PCDHA5: variants seen among roughly 807,000 people sequenced by gnomAD.
PCDHA5 encodes protocadherin alpha-5.
A neutral mutation model predicts 61.6 loss-of-function variants in PCDHA5; 43 were observed. That is an observed-to-expected ratio of 0.70 (90% confidence interval 0.55 to 0.90). The LOEUF is 0.90. PCDHA5 is among the 40% of genes least tolerant of loss of function. The pLI, the probability that PCDHA5 is intolerant of heterozygous loss-of-function variation, is 0.00. For synonymous variants in PCDHA5, 627 were observed against 543.9 expected, an observed-to-expected ratio of 1.15 and a Z score of -2.13; for missense variants, 1,298 against 1,222.7, an observed-to-expected ratio of 1.06 and a Z score of -0.92.
At chr5:140,982,367 G>A in intron 2 of PCDHA5, 108 bp from the exon 3 acceptor site, 1 of 1,544,446 alleles carries the variant, frequency 6.5e-7, no homozygotes, top group Non-Finnish European at 8.7e-7. Context: ...AGCAGAATGT[G>A]TTAGCTGCAG....
At chr5:140,892,673 T>C (rs1554185319) in intron 1 of PCDHA5, among the ~76,000 whole-genome samples, 1 of 152,262 alleles carries the variant, frequency 6.6e-6, no homozygotes, top group East Asian at 1.9e-4. Flanking sequence ...TTGATACATA[T>C]ATACAATGTA....
At chr5:140,828,942 T>G (rs2150161123) in intron 1 of PCDHA5, 2 of 1,614,258 alleles carry the variant, frequency 1.2e-6, no homozygotes, top group Admixed American at 3.3e-5. Context: ...TTTAATAGCC[T>G]TGTTGCAGCC....
At chr5:140,970,466 A>G (rs549761303) in intron 1 of PCDHA5, among the ~76,000 whole-genome samples, 51 of 152,334 alleles carry the variant, frequency 3.3e-4, no homozygotes, top group Non-Finnish European at 4.4e-4. Context: ...TTAAGTAGGT[A>G]TAAGGCCAGC....
At position 140,857,846 on chromosome 5, in the gene PCDHA5, T is replaced by C. The variant is rs782107328; in HGVS notation, c.2352+33719T>C. 6.3e-6 allele frequency: 10 copies of C among 1,597,716 alleles called. 1 individual carries two copies. Among genetic ancestry groups the C allele is most frequent in the Non-Finnish European group, 8.6e-6 (10 of 1,167,514 alleles). ...TAAGGTGCGCGCAGTGGACGCTGAC[T>C]CTGGATACAACGCGTGGCTGTCGTA... is the stretch of plus-strand genomic sequence containing the variant. On this transcript the variant is annotated intron_variant, in intron 1 of 3. Coordinates refer to ENST00000529859, the MANE Select transcript of PCDHA5 (RefSeq NM_018908.3).
chr5:140,835,623 G>T, intron 1 of PCDHA5: 2 of 1,613,888 alleles, frequency 1.2e-6, no homozygotes, highest in Non-Finnish European at 1.7e-6. Flanking sequence ...CAGCGCTCTG[G>T]ACCGCGAGAG....
intron 1 of PCDHA5, among the ~76,000 whole-genome samples, chr5:140,944,182 G>T (rs542395513): frequency 1.3e-5 from 2 of 152,052 alleles, no homozygotes; most frequent in South Asian, 2.1e-4. Flanking sequence ...TTTTTTGTTG[G>T]TTTGTTTTGT....
chr5:140,841,226 G>C (rs892482314), intron 1 of PCDHA5: 17 of 1,452,002 alleles, frequency 1.2e-5, no homozygotes, highest in African/African-American at 2.9e-5. Flanking sequence ...GCCGAACAAC[G>C]GGAGATGCAG....
At chr5:140,979,068 C>G in intron 2 of PCDHA5, 61 bp downstream of exon 2, 1 of 1,602,182 alleles carries the variant, frequency 6.2e-7, no homozygotes. Flanking sequence ...CTCAGATAAA[C>G]TGCATCTCCA....
chr5:140,948,722 A>G (rs2094296449), intron 1 of PCDHA5, among the ~76,000 whole-genome samples: 1 of 151,574 alleles, frequency 6.6e-6, no homozygotes, highest in Admixed American at 6.6e-5. Context: ...TTTTTTATCA[A>G]TAAGTCTAGC....
intron 1 of PCDHA5, chr5:140,858,069 C>A: frequency 6.3e-7 from 1 of 1,597,662 alleles, no homozygotes; most frequent in Non-Finnish European, 8.6e-7. Flanking sequence ...GGCAGCCAGG[C>A]ACCCAAGGCC....
rs2150127370 is a variant in PCDHA5 at position 140,823,603 on chromosome 5, C to T, written c.1828C>T (p.Leu610=). 1 of 1,614,048 alleles carries T rather than the reference C, an allele frequency of 6.2e-7. No individual in the cohort carries two copies. The highest frequency in any genetic ancestry group is 1.1e-5 in the South Asian group (1 of 91,082). Residue 610 remains leucine, a synonymous_variant, in exon 1 of 4, where the codon CTG becomes TTG. Coordinates refer to ENST00000529859, the MANE Select transcript of PCDHA5 (RefSeq NM_018908.3). ...CTACAACGCTTGGCTTTCGTATGAG[C>T]TGCAGCCAGCGCCTGGCAGTGCGCG... ...SGYNAWLSYE[L]QPAPGSARIP... is the part of the protein sequence containing the mutation.
At chr5:140,826,541 T>A (rs967580950) in intron 1 of PCDHA5, among the ~76,000 whole-genome samples, 3 of 152,192 alleles carry the variant, frequency 2.0e-5, no homozygotes, top group African/African-American at 7.2e-5. Flanking sequence ...TATTGGTGAC[T>A]CTATTTTTCT....
intron 1 of PCDHA5, among the ~76,000 whole-genome samples, chr5:140,872,045 C>G (rs1286579116): frequency 6.6e-6 from 1 of 152,208 alleles, no homozygotes; most frequent in East Asian, 1.9e-4. Flanking sequence ...AAGAATTCTC[C>G]CACTTCAGCC....
chr5:140,967,747 A>G (rs782650276), intron 1 of PCDHA5: 36 of 1,614,042 alleles, frequency 2.2e-5, no homozygotes, highest in Non-Finnish European at 3.0e-5. Context: ...ATTATGAGGA[A>G]GCCTCCTCCT....
At chr5:140,969,087 T>C (rs146741684) in intron 1 of PCDHA5, 741 of 1,613,920 alleles carry the variant, frequency 4.6e-4, no homozygotes, top group Non-Finnish European at 5.8e-4. Flanking sequence ...GGCCTCAAAG[T>C]GCAGCCTCAC....
chr5:140,835,333 A>C (rs1355221277), intron 1 of PCDHA5: 6 of 1,613,618 alleles, frequency 3.7e-6, no homozygotes, highest in Non-Finnish European at 5.1e-6. Context: ...AGAGCACACA[A>C]GATCCCAGTC....
At chr5:140,865,051 T>A (rs1228832316) in intron 1 of PCDHA5, 1 of 151,882 alleles carries the variant, frequency 6.6e-6, no homozygotes, top group Admixed American at 6.6e-5. Flanking sequence ...AATGTCATTG[T>A]TTTTAATAAC....
In PCDHA5 at chr5:140,877,039, C is replaced by T. The variant is rs782458785; in HGVS notation, c.2352+52912C>T. ...CGGCAAGGTGTACGCGCTGCAGCCG[C>T]TAGACCACGAGGAGCTGGAGCTGCT... is the stretch of plus-strand genomic sequence containing the variant. On this transcript the variant is annotated intron_variant, in intron 1 of 3. Transcript: ENST00000529859. The T allele has an allele frequency of 3.7e-6, 6 of 1,612,576 alleles. No homozygotes were observed. In the African/African-American group the frequency reaches 5.3e-5, roughly 14 times the overall value.
At chr5:140,850,464 C>A (rs2041620287) in intron 1 of PCDHA5, 1 of 1,597,872 alleles carries the variant, frequency 6.3e-7, no homozygotes, top group Non-Finnish European at 8.6e-7. Flanking sequence ...CCACGGGGAG[C>A]CAGCGCTGAC....
Sources: gnomAD v4.1 joint callset for allele counts (sites outside exome capture counted in the v4.1 genomes callset) on GRCh38, gnomAD v4.1.1 for gene constraint, MANE v1.5 for transcripts, NCBI Gene and HGNC (gene_info 2026-07-23, HGNC 2026-07-21) for gene names.